ZNF469: variants seen among roughly 807,000 people sequenced by gnomAD.
ZNF469 encodes zinc finger protein 469.
In ZNF469, 1 loss-of-function variant was observed where a neutral mutation model predicts 1.0. The ratio of observed to expected loss-of-function variants is 1.00; its 90% CI spans 0.35 to 4.73. ZNF469 has a LOEUF of 4.73. Ranked by LOEUF, ZNF469 falls within the 30% of genes most tolerant of loss-of-function variation. The probability of loss-of-function intolerance (pLI) is 0.16; values close to 1 mark genes in which losing one functional copy is unlikely to be tolerated. For synonymous variants in ZNF469, 2,703 were observed against 2,363.4 expected (o/e 1.14, Z -4.17); for missense variants, 6,100 against 5,356.3 (o/e 1.14, Z -4.33).
the ZNF469 span, among the ~76,000 whole-genome samples, chr16:88,125,275 G>A: frequency 6.6e-6 from 1 of 152,154 alleles, no homozygotes; most frequent in Non-Finnish European, 1.5e-5. Flanking sequence ...TATATCTTAA[G>A]ATAGTATGTC....
At chr16:88,132,669 G>A in the ZNF469 span, among the ~76,000 whole-genome samples, 5 of 151,946 alleles carry the variant, frequency 3.3e-5, no homozygotes, top group Admixed American at 6.5e-5. Context: ...TTCATCTTAC[G>A]AGAGCAGATT....
the ZNF469 span, among the ~76,000 whole-genome samples, chr16:88,251,024 C>A: frequency 6.6e-6 from 1 of 152,090 alleles, no homozygotes; most frequent in Admixed American, 6.5e-5. Flanking sequence ...ACTACAGGCA[C>A]CTGCCAACAC....
chr16:88,103,832 G>A, the ZNF469 span, among the ~76,000 whole-genome samples: 1 of 147,418 alleles, frequency 6.8e-6, no homozygotes, highest in Non-Finnish European at 1.5e-5. Context: ...GGGAGCGGTG[G>A]AATAATCCTC....
the ZNF469 span, among the ~76,000 whole-genome samples, chr16:88,275,627 C>T: frequency 6.6e-6 from 1 of 152,200 alleles, no homozygotes; most frequent in Non-Finnish European, 1.5e-5. Flanking sequence ...AGTGGGTACA[C>T]TGAGGCACTG....
At chr16:88,200,203 G>A in the ZNF469 span, among the ~76,000 whole-genome samples, 1 of 152,198 alleles carries the variant, frequency 6.6e-6, no homozygotes, top group Non-Finnish European at 1.5e-5. Context: ...GCAGAAGGCG[G>A]CATTTGGGGA....
At chr16:88,220,623 C>T in the ZNF469 span, among the ~76,000 whole-genome samples, 1 of 152,132 alleles carries the variant, frequency 6.6e-6, no homozygotes, top group Non-Finnish European at 1.5e-5. Context: ...GAACTAATCA[C>T]AGTTATGGTC....
At chr16:88,297,678 C>T in the ZNF469 span, among the ~76,000 whole-genome samples, 1 of 152,186 alleles carries the variant, frequency 6.6e-6, no homozygotes, top group African/African-American at 2.4e-5. Flanking sequence ...CGCACCCTCT[C>T]CTCTCTGTGG....
chr16:88,153,995 A>G, the ZNF469 span, among the ~76,000 whole-genome samples: 1 of 140,552 alleles, frequency 7.1e-6, no homozygotes, highest in Admixed American at 6.9e-5. Context: ...CTGGGGCCTA[A>G]TTAAGCCTCA....
At chr16:88,239,278 T>C in the ZNF469 span, among the ~76,000 whole-genome samples, 243 of 152,248 alleles carry the variant, frequency 1.6e-3, no homozygotes, top group Non-Finnish European at 2.4e-3. Flanking sequence ...TGGGAAAAAA[T>C]TGAAAAGTAG....
chr16:88,148,343 G>C, the ZNF469 span, among the ~76,000 whole-genome samples: 387 of 152,288 alleles, frequency 2.5e-3, 6 homozygotes, highest in African/African-American at 8.9e-3. Context: ...AGGAGGTCCA[G>C]CCACACAAGA....
At chr16:88,229,565 TC>T in the ZNF469 span, among the ~76,000 whole-genome samples, 2 of 101,584 alleles carry the variant, frequency 2.0e-5, no homozygotes, top group Admixed American at 2.0e-4. Flanking sequence ...CGTGTGGATG[TC>T]ACGCTTGTGC....
At chr16:88,331,352 C>T in the ZNF469 span, among the ~76,000 whole-genome samples, 1 of 150,834 alleles carries the variant, frequency 6.6e-6, no homozygotes, top group African/African-American at 2.4e-5. Flanking sequence ...TCCTCCTCAC[C>T]ACCATCATCA....
the ZNF469 span, among the ~76,000 whole-genome samples, chr16:88,326,224 C>G: frequency 1.4e-4 from 21 of 152,186 alleles, no homozygotes; most frequent in Non-Finnish European, 2.9e-4. Context: ...CCATGCTGTT[C>G]TCGTGATAGT....
the ZNF469 span, among the ~76,000 whole-genome samples, chr16:88,234,472 C>T: frequency 1.3e-5 from 2 of 152,236 alleles, no homozygotes; most frequent in Non-Finnish European, 1.5e-5. Flanking sequence ...GGAACCAGAG[C>T]CGGAGCTGGG....
the ZNF469 span, among the ~76,000 whole-genome samples, chr16:88,141,158 A>G: frequency 6.6e-6 from 1 of 152,212 alleles, no homozygotes; most frequent in Non-Finnish European, 1.5e-5. Context: ...AAAAAGTATA[A>G]AAGTATTAGT....
chr16:88,322,340 A>G, the ZNF469 span, among the ~76,000 whole-genome samples: 1 of 152,216 alleles, frequency 6.6e-6, no homozygotes, highest in Non-Finnish European at 1.5e-5. Flanking sequence ...ACCTGGACCC[A>G]TCACATGGGA....
Position 88,435,085 on chromosome 16 carries a change from C to T in ZNF469, c.7615C>T (p.Pro2539Ser), listed in dbSNP as rs546113899. 2 of 1,550,272 alleles carry T rather than the reference C, an allele frequency of 1.3e-6. No homozygotes were observed. The highest frequency in any genetic ancestry group is 1.4e-5 in the African/African-American group (1 of 73,052). The change falls in exon 3 of 3, where the codon CCA (proline) becomes TCA (serine). Residue 2539 changes from proline to serine, a missense_variant. Physicochemically the swap from Pro to Ser is moderately conservative, Grantham distance 74. Coordinates refer to ENST00000565624, the MANE Select transcript of ZNF469 (RefSeq NM_001367624.2). ...CCACAGGGTGTCTGGGAAGGAGAGA[C>T]CAAATCACTCACGGGGAGACCCCAG... The part of the protein sequence containing the change: ...KSHRVSGKER[P>S]NHSRGDPSHV...
the ZNF469 span, among the ~76,000 whole-genome samples, chr16:88,137,620 C>G: frequency 6.6e-6 from 1 of 150,380 alleles, no homozygotes; most frequent in Non-Finnish European, 1.5e-5. Context: ...GCGTGCATAC[C>G]ACCACGGTGT....
At chr16:88,349,307 C>T in the ZNF469 span, among the ~76,000 whole-genome samples, 1 of 152,080 alleles carries the variant, frequency 6.6e-6, no homozygotes, top group Non-Finnish European at 1.5e-5. Context: ...GCGAACACCA[C>T]ACACGCTGCA....
Sources: gnomAD v4.1 joint callset for allele counts (sites outside exome capture counted in the v4.1 genomes callset) on GRCh38, gnomAD v4.1.1 for gene constraint, MANE v1.5 for transcripts, NCBI Gene and HGNC (gene_info 2026-07-23, HGNC 2026-07-21) for gene names.